Variants in LRRC28 observed in about 807,000 individuals in gnomAD.
LRRC28 encodes the protein leucine rich repeat containing 28, also known as leucine-rich repeat-containing protein 28.
LRRC28 carries 39 observed loss-of-function variants against 45.7 expected under a neutral mutation model. That is an observed-to-expected ratio of 0.85 (90% CI 0.66 to 1.12). The LOEUF (loss-of-function observed/expected upper bound fraction) is 1.12. Among genes scored for constraint, LRRC28 ranks in the 50% most tolerant of loss-of-function variants. The pLI is 0.00. For synonymous variants in LRRC28, 206 were observed against 178.8 expected, an observed-to-expected ratio of 1.15 and a Z score of -1.22; for missense variants, 435 against 438.5, an observed-to-expected ratio of 0.99 and a Z score of 0.07.
chr15:99,277,473 T>A (rs907733356), intron 3 of LRRC28, among the ~76,000 whole-genome samples: 3 of 152,114 alleles, frequency 2.0e-5, no homozygotes, highest in Non-Finnish European at 4.4e-5. Flanking sequence ...TCCCCCAAGC[T>A]GAATGATTTG....
In LRRC28 at chr15:99,378,574, G is replaced by A. The variant is rs111609919; in HGVS notation, c.1032-7456G>A. 4.9e-4 allele frequency among the ~76,000 whole-genome samples: 75 copies of A among 151,700 alleles called. 1 individual carries two copies. Among genetic ancestry groups the A allele is most frequent in the South Asian group, 1.7e-3 (8 of 4,824 alleles). On this transcript the variant is annotated intron_variant, in intron 9 of 9. Coordinates refer to ENST00000301981, the MANE Select transcript of LRRC28 (RefSeq NM_144598.5). ...TGCCCTGGCCAGAACTTCCAACACT[G>A]TGTTGAATAGGAGTGGTGAGAGAGG...
At chr15:99,276,465 T>G (rs766860562) in intron 2 of LRRC28, 111 bp from the exon 3 acceptor site, 23 of 737,710 alleles carry the variant, frequency 3.1e-5, no homozygotes, top group Non-Finnish European at 4.9e-5. Flanking sequence ...TATTTTCACA[T>G]TTTCTCAAAA....
At chr15:99,326,201 G>A (rs1251576637) in intron 5 of LRRC28, among the ~76,000 whole-genome samples, 8 of 151,974 alleles carry the variant, frequency 5.3e-5, no homozygotes, top group Non-Finnish European at 4.4e-5. Context: ...TAAAATAAGG[G>A]TATGTTCTTT....
intron 9 of LRRC28, among the ~76,000 whole-genome samples, chr15:99,374,516 G>A (rs1398950906): frequency 6.6e-6 from 1 of 152,080 alleles, no homozygotes; most frequent in Non-Finnish European, 1.5e-5. Flanking sequence ...GGGATTTTCT[G>A]CATAGAAAAT....
chr15:99,265,779 C>G (rs138435840), intron 2 of LRRC28, among the ~76,000 whole-genome samples: 3 of 152,130 alleles, frequency 2.0e-5, no homozygotes, highest in Non-Finnish European at 2.9e-5. Flanking sequence ...ATGGCTTAAC[C>G]TCTTTGGACC....
chr15:99,284,690 T>A, intron 3 of LRRC28: 1 of 515,818 alleles, frequency 1.9e-6, no homozygotes, highest in Middle Eastern at 6.7e-4. Flanking sequence ...GTTTCATGGT[T>A]TGGCCAAGTA....
At position 99,325,133 on chromosome 15, in the gene LRRC28, A is replaced by T. The variant is rs529296675; in HGVS notation, c.386-8790A>T. Among the ~76,000 whole-genome samples, 3 of 152,192 alleles carry T rather than the reference A, an allele frequency of 2.0e-5. No individual in the cohort carries two copies. In the East Asian group the frequency reaches 5.8e-4, roughly 29 times the overall value. On this transcript the variant is annotated intron_variant, in intron 5 of 9. Transcript: ENST00000301981. ...AACGGTATTTTGCAGTTTGTAGCATATAAGTTTTGTACTACTTTTGTTCAG... is the reference window on the plus strand; with the variant it reads ...AACGGTATTTTGCAGTTTGTAGCATTTAAGTTTTGTACTACTTTTGTTCAG...
rs762668986 is a variant in LRRC28 at position 99,361,488 on chromosome 15, A to G, written c.848A>G (p.His283Arg). 1 of 1,609,712 alleles carries G rather than the reference A, an allele frequency of 6.2e-7. No individual in the cohort carries two copies. The highest frequency in any genetic ancestry group is 1.1e-5 in the South Asian group (1 of 90,122). The change falls in exon 8 of 10, where the codon CAT becomes CGT. Residue 283 changes from histidine to arginine, a missense_variant. Physicochemically the swap from His to Arg is conservative, Grantham distance 29. Transcript: ENST00000301981. ...GAATTGGCTATGAGAGGGCTGTATC[A>G]TACCTACCACAGCTTGCTGAAAGGT... ...LQELAMRGLY[H>R]TYHSLLKDLN...
chr15:99,341,900 T>TA (rs1169270178), intron 6 of LRRC28, among the ~76,000 whole-genome samples: 1 of 152,170 alleles, frequency 6.6e-6, no homozygotes, highest in Admixed American at 6.5e-5. Context: ...CCATCAGTCA[T>TA]AGCTTTCAGT....
At chr15:99,298,765 G>T (rs1320549823) in intron 5 of LRRC28, among the ~76,000 whole-genome samples, 2 of 152,168 alleles carry the variant, frequency 1.3e-5, no homozygotes, top group Admixed American at 1.3e-4. Context: ...CTGGAGTGCA[G>T]TGGTGCAATT....
At chr15:99,267,830 G>A (rs893146650) in intron 2 of LRRC28, among the ~76,000 whole-genome samples, 1 of 152,062 alleles carries the variant, frequency 6.6e-6, no homozygotes, top group Non-Finnish European at 1.5e-5. Context: ...AATGTGAAAC[G>A]GTGATTCCTT....
chr15:99,331,107 C>T (rs546804397), intron 5 of LRRC28, among the ~76,000 whole-genome samples: 3 of 152,030 alleles, frequency 2.0e-5, no homozygotes, highest in South Asian at 2.1e-4. Context: ...TTTACAATAA[C>T]GCAAAAAAAG....
At chr15:99,362,207 A>G (rs1277722128) in intron 8 of LRRC28, among the ~76,000 whole-genome samples, 1 of 152,248 alleles carries the variant, frequency 6.6e-6, no homozygotes, top group Non-Finnish European at 1.5e-5. Context: ...AAAAGAGTCC[A>G]TACAAAAACA....
intron 5 of LRRC28, among the ~76,000 whole-genome samples, chr15:99,301,304 T>G (rs1180324354): frequency 6.6e-6 from 1 of 152,228 alleles, no homozygotes; most frequent in Non-Finnish European, 1.5e-5. Flanking sequence ...TTTGAGACTC[T>G]TAATAAAATC....
intron 3 of LRRC28, among the ~76,000 whole-genome samples, chr15:99,280,020 T>C (rs2081738933): frequency 6.6e-6 from 1 of 152,210 alleles, no homozygotes. Flanking sequence ...TATGTGGTTT[T>C]TATGACATTG....
chr15:99,382,233 G>T (rs930183269), intron 9 of LRRC28, among the ~76,000 whole-genome samples: 8 of 152,192 alleles, frequency 5.3e-5, no homozygotes, highest in African/African-American at 1.9e-4. Flanking sequence ...AGCAATGGTG[G>T]GTGCCCCTCC....
intron 9 of LRRC28, chr15:99,384,895 A>C (rs1309582198): frequency 1.3e-5 from 2 of 152,282 alleles, no homozygotes; most frequent in Non-Finnish European, 1.5e-5. Context: ...CTGGAAAACA[A>C]AATGCACATT....
At chr15:99,281,887 A>G (rs575592977) in intron 3 of LRRC28, among the ~76,000 whole-genome samples, 13 of 149,788 alleles carry the variant, frequency 8.7e-5, no homozygotes, top group Admixed American at 2.7e-4. Context: ...ATGTCTCTCA[A>G]CACTGTGAGC....
chr15:99,336,523 C>A (rs1169392654), intron 6 of LRRC28, among the ~76,000 whole-genome samples: 3 of 152,112 alleles, frequency 2.0e-5, no homozygotes, highest in African/African-American at 7.2e-5. Flanking sequence ...TTTGGCTCTG[C>A]CATTTTGGGC....
Sources: gnomAD v4.1 joint callset for allele counts (sites outside exome capture counted in the v4.1 genomes callset) on GRCh38, gnomAD v4.1.1 for gene constraint, MANE v1.5 for transcripts, NCBI Gene and HGNC (gene_info 2026-07-23, HGNC 2026-07-21) for gene names.